ROBO1: variants seen among roughly 807,000 people sequenced by gnomAD.
ROBO1 encodes roundabout guidance receptor 1.
Under a neutral mutation model 195.9 loss-of-function variants are expected in ROBO1, and 149 were observed. That is an observed-to-expected ratio of 0.76 (90% CI 0.67 to 0.87). ROBO1 has a LOEUF of 0.87. ROBO1 is among the 40% of genes least tolerant of loss of function. The pLI is 0.00. For missense variants in ROBO1, 1,933 were observed against 2,068.3 expected (o/e 0.93, Z 1.27); for synonymous variants, 816 against 733.2 (o/e 1.11, Z -1.82).
intron 2 of ROBO1, among the ~76,000 whole-genome samples, chr3:79,490,991 G>A (rs565957364): frequency 6.6e-6 from 1 of 151,946 alleles, no homozygotes; most frequent in South Asian, 2.1e-4. Flanking sequence ...AACTGCAGGA[G>A]CCTTTAAAAA....
intron 2 of ROBO1, among the ~76,000 whole-genome samples, chr3:79,495,355 G>C (rs1223134548): frequency 6.6e-6 from 1 of 151,956 alleles, no homozygotes; most frequent in African/African-American, 2.4e-5. Flanking sequence ...TAATAGACAA[G>C]AGTCACAAGA....
chr3:79,554,114 T>C (rs190723569), intron 2 of ROBO1, among the ~76,000 whole-genome samples: 46 of 152,150 alleles, frequency 3.0e-4, no homozygotes, highest in African/African-American at 1.1e-3. Context: ...CAGTACTTAT[T>C]AAAATTAAAT....
chr3:78,757,534 C>G (rs911496477), intron 4 of ROBO1, among the ~76,000 whole-genome samples: 1 of 151,978 alleles, frequency 6.6e-6, no homozygotes, highest in Non-Finnish European at 1.5e-5. Context: ...AAGGAGTTTT[C>G]AAATTTTACG....
At chr3:79,524,168 A>AGTGT (rs10663604) in intron 2 of ROBO1, among the ~76,000 whole-genome samples, 33,378 of 150,574 alleles carry the variant, frequency 0.22, 3,828 homozygotes, top group East Asian at 0.33. Context: ...ATTTGAAGTA[A>AGTGT]GTGTGTGTGT....
chr3:79,171,773 G>A (rs975152823), intron 2 of ROBO1, among the ~76,000 whole-genome samples: 11 of 151,924 alleles, frequency 7.2e-5, no homozygotes, highest in Admixed American at 4.6e-4. Flanking sequence ...GGATACAAAA[G>A]TCAGGAAAAA....
rs929596150 is a variant in ROBO1 at position 78,768,549 on chromosome 3, A to G, written c.500-21649T>C. 3.9e-5 allele frequency among the ~76,000 whole-genome samples: 6 copies of G among 152,130 alleles called. No individual in the cohort carries two copies. The East Asian group carries it at 7.8e-4, about 20-fold the overall frequency. ...CATGGTTTGATGTTTTTCTATTTCT[A>G]TATGTACTTGCCTGCTTGTGATTGT... is the stretch of plus-strand genomic sequence containing the variant. On this transcript the variant is annotated intron_variant, in intron 4 of 30. Transcript: ENST00000464233.
Position 79,216,033 on chromosome 3 carries a change from C to A in ROBO1, c.89-90494G>T, listed in dbSNP as rs189141533. The stretch of plus-strand genomic sequence containing the variant: ...ATTAATTTTAACTGTTGATTATTTT[C>A]TCTTATCCTATACCTCGTCAGGCAA... On this transcript the variant is annotated intron_variant, in intron 2 of 30. Transcript: ENST00000464233. Among the ~76,000 whole-genome samples, 23 of 152,148 alleles carry A rather than the reference C, an allele frequency of 1.5e-4. No individual in the cohort carries two copies. In the East Asian group the frequency reaches 3.5e-3, roughly 23 times the overall value.
intron 4 of ROBO1, among the ~76,000 whole-genome samples, chr3:78,843,745 C>G (rs1297378107): frequency 6.6e-6 from 1 of 151,948 alleles, no homozygotes; most frequent in Non-Finnish European, 1.5e-5. Flanking sequence ...TCCTAGAAAT[C>G]AAAGTTCGAG....
At chr3:79,421,513 G>A (rs563522976) in intron 2 of ROBO1, among the ~76,000 whole-genome samples, 2 of 152,202 alleles carry the variant, frequency 1.3e-5, no homozygotes, top group African/African-American at 2.4e-5. Context: ...CCAGGCACAG[G>A]AGCTGACAGC....
At chr3:79,570,988 C>A (rs1354913826) in intron 2 of ROBO1, among the ~76,000 whole-genome samples, 1 of 152,072 alleles carries the variant, frequency 6.6e-6, no homozygotes, top group Non-Finnish European at 1.5e-5. Flanking sequence ...AAAATAAAAT[C>A]ATTCAAGCAG....
At chr3:79,758,663 A>G (rs1301406632) in intron 1 of ROBO1, among the ~76,000 whole-genome samples, 1 of 152,188 alleles carries the variant, frequency 6.6e-6, no homozygotes, top group African/African-American at 2.4e-5. Context: ...TTGAGAAGAC[A>G]AGAAGGGGAA....
chr3:79,673,462 T>C (rs1361567685), intron 1 of ROBO1, among the ~76,000 whole-genome samples: 1 of 152,020 alleles, frequency 6.6e-6, no homozygotes, highest in Non-Finnish European at 1.5e-5. Context: ...TAGGTGGAAC[T>C]TGAGCATCAT....
At chr3:79,614,628 T>C (rs1944763125) in intron 1 of ROBO1, among the ~76,000 whole-genome samples, 1 of 152,064 alleles carries the variant, frequency 6.6e-6, no homozygotes. Context: ...ATATAAGTCA[T>C]GAAATAAAGA....
intron 3 of ROBO1, among the ~76,000 whole-genome samples, chr3:78,973,759 T>C (rs1240468407): frequency 6.6e-6 from 1 of 151,746 alleles, no homozygotes; most frequent in Non-Finnish European, 1.5e-5. Context: ...ATTTAATTTA[T>C]TCAGATGAAA....
intron 1 of ROBO1, among the ~76,000 whole-genome samples, chr3:79,663,186 C>T (rs369959349): frequency 2.6e-5 from 4 of 151,900 alleles, no homozygotes; most frequent in East Asian, 3.9e-4. Flanking sequence ...CTATGGTTTA[C>T]GAACCTTATC....
At chr3:79,243,741 G>C (rs1412220999) in intron 2 of ROBO1, among the ~76,000 whole-genome samples, 1 of 152,180 alleles carries the variant, frequency 6.6e-6, no homozygotes, top group Non-Finnish European at 1.5e-5. Context: ...CCCTTTGTCA[G>C]ATGAGTAGAT....
intron 2 of ROBO1, among the ~76,000 whole-genome samples, chr3:79,444,373 A>T (rs1266877378): frequency 2.0e-5 from 3 of 152,102 alleles, no homozygotes; most frequent in Non-Finnish European, 4.4e-5. Flanking sequence ...TAATGATAAG[A>T]GCAGTAAATG....
chr3:79,588,638 A>T (rs1943903301), intron 2 of ROBO1, among the ~76,000 whole-genome samples: 2 of 151,694 alleles, frequency 1.3e-5, no homozygotes, highest in South Asian at 4.1e-4. Flanking sequence ...GAAATGTATG[A>T]TGTTTTCTTT....
intron 4 of ROBO1, among the ~76,000 whole-genome samples, chr3:78,768,299 G>A (rs1008638995): frequency 1.3e-5 from 2 of 151,440 alleles, no homozygotes; most frequent in South Asian, 4.2e-4. Context: ...CTGAGAGACT[G>A]CTTGATATAA....
Sources: allele counts gnomAD v4.1 joint callset (sites outside exome capture counted in the v4.1 genomes callset), GRCh38; gene constraint gnomAD v4.1.1; transcripts MANE v1.5; gene names NCBI Gene and HGNC (gene_info 2026-07-23, HGNC 2026-07-21).